The following PDZD2 variants were observed in gnomAD, a reference collection of about 807,000 sequenced individuals.
PDZD2 encodes PDZ domain containing 2.
PDZD2 carries 90 observed loss-of-function variants against 220.7 expected under a neutral mutation model. The observed-to-expected ratio is 0.41, with a 90% CI of 0.34 to 0.49. PDZD2 has a LOEUF of 0.49. Ranked by LOEUF, PDZD2 falls within the 20% of genes least tolerant of loss-of-function variation. The pLI is 0.28. For synonymous variants in PDZD2, 1,375 were observed against 1,450.5 expected (o/e 0.95, Z 1.18); for missense variants, 3,174 against 3,608.5 (o/e 0.88, Z 3.08).
intron 1 of PDZD2, among the ~76,000 whole-genome samples, chr5:31,775,215 A>G (rs564985636): frequency 1.3e-5 from 2 of 152,190 alleles, no homozygotes; most frequent in East Asian, 3.9e-4. Flanking sequence ...GGAATCTGGA[A>G]CCGATTGTAA....
At chr5:31,978,560 G>C (rs766568057) in intron 2 of PDZD2, among the ~76,000 whole-genome samples, 2 of 151,768 alleles carry the variant, frequency 1.3e-5, no homozygotes, top group African/African-American at 2.4e-5. Context: ...TCTACTAAAA[G>C]TACAATTAGC....
chr5:32,063,623 A>G (rs1739903911), intron 14 of PDZD2, among the ~76,000 whole-genome samples: 1 of 152,164 alleles, frequency 6.6e-6, no homozygotes, highest in African/African-American at 2.4e-5. Context: ...TCCTATATCA[A>G]ATTCATTACC....
chr5:31,758,926 T>C (rs1269540408), intron 1 of PDZD2, among the ~76,000 whole-genome samples: 1 of 152,082 alleles, frequency 6.6e-6, no homozygotes, highest in Non-Finnish European at 1.5e-5. Context: ...TCCACATGCG[T>C]TCCCTGGCTA....
chr5:31,903,922 C>T (rs181661190), intron 2 of PDZD2, among the ~76,000 whole-genome samples: 20 of 151,810 alleles, frequency 1.3e-4, no homozygotes, highest in African/African-American at 4.6e-4. Flanking sequence ...CGGGGTTTCA[C>T]GGTGTTGGTC....
Position 31,845,975 on chromosome 5 carries a change from A to G in PDZD2, c.476+46251A>G, listed in dbSNP as rs148941724. 4.9e-4 allele frequency among the ~76,000 whole-genome samples: 75 copies of G among 152,314 alleles called. No homozygotes were observed. In the East Asian group the frequency reaches 0.014, roughly 28 times the overall value. On this transcript the variant is annotated intron_variant, in intron 2 of 24. Coordinates refer to ENST00000438447, the MANE Select transcript of PDZD2 (RefSeq NM_178140.4). The stretch of plus-strand genomic sequence containing the variant: ...GCAAAGATGTTCCAGAGGCACCACA[A>G]TCCCCCTTCCTGTGTGCACTGGAAG...
chr5:32,091,176 G>C lies in PDZD2; in HGVS notation c.7727+1G>C, dbSNP rs1380543289. ...CTTTTAGAAGAAGCTGGTCAGTTAAGTAAGTATCTGCCCACTACTTTTATT... is the reference window on the plus strand; with the variant it reads ...CTTTTAGAAGAAGCTGGTCAGTTAACTAAGTATCTGCCCACTACTTTTATT... On this transcript the variant is annotated splice_donor_variant, in intron 20 of 24. Coordinates refer to ENST00000438447, the MANE Select transcript of PDZD2 (RefSeq NM_178140.4). LOFTEE classifies it high-confidence loss of function. 1 of 1,540,010 alleles carries C rather than the reference G, an allele frequency of 6.5e-7. No homozygotes were observed. Among genetic ancestry groups the C allele is most frequent in the Non-Finnish European group, 8.8e-7 (1 of 1,138,910 alleles).
intron 2 of PDZD2, among the ~76,000 whole-genome samples, chr5:31,821,442 G>A (rs146484206): frequency 0.11 from 16,069 of 151,494 alleles, 977 homozygotes; most frequent in Non-Finnish European, 0.14. Context: ...GTGCAATGGC[G>A]CGATCTTGGC....
intron 1 of PDZD2, among the ~76,000 whole-genome samples, chr5:31,711,320 A>T (rs1266628490): frequency 6.6e-6 from 1 of 152,166 alleles, no homozygotes; most frequent in Non-Finnish European, 1.5e-5. Context: ...CTGTGCCCCG[A>T]GCTACTGTGT....
intron 2 of PDZD2, among the ~76,000 whole-genome samples, chr5:31,914,766 A>G (rs769044895): frequency 1.3e-5 from 2 of 152,206 alleles, no homozygotes; most frequent in Non-Finnish European, 2.9e-5. Flanking sequence ...GTGGTGTTCT[A>G]TTGAAATTGA....
At chr5:31,899,021 G>T (rs1443297689) in intron 2 of PDZD2, among the ~76,000 whole-genome samples, 1 of 151,776 alleles carries the variant, frequency 6.6e-6, no homozygotes. Flanking sequence ...TATAGACGGG[G>T]TTTCACCATG....
At chr5:31,660,777 C>T (rs567970598) in intron 1 of PDZD2, among the ~76,000 whole-genome samples, 2 of 152,148 alleles carry the variant, frequency 1.3e-5, no homozygotes, top group Non-Finnish European at 2.9e-5. Flanking sequence ...GGCTGGAGTG[C>T]AATGGTGTGA....
rs866996273 is a variant in PDZD2 at position 32,083,414 on chromosome 5, G to A, written c.3683-3717G>A. 2.0e-5 allele frequency: 3 copies of A among 152,150 alleles called. No individual in the cohort carries two copies. Among genetic ancestry groups the A allele is most frequent in the Non-Finnish European group, 2.9e-5 (2 of 68,052 alleles). 9.4% of individuals were successfully genotyped at this position (152,150 alleles called of 1,614,324 possible). On this transcript the variant is annotated intron_variant, in intron 19 of 24. Coordinates refer to ENST00000438447, the MANE Select transcript of PDZD2 (RefSeq NM_178140.4). The surrounding 1 kb of genome is among the most constrained non-coding windows in gnomAD (Gnocchi z 4.1). ...AGGAAACCGCACTGCTATCCTGCAG[G>A]CTCTTCTACACCCGACATCACCTGG... is the stretch of plus-strand genomic sequence containing the variant.
intron 2 of PDZD2, among the ~76,000 whole-genome samples, chr5:31,937,192 G>T (rs1415269584): frequency 6.6e-6 from 1 of 152,198 alleles, no homozygotes; most frequent in Admixed American, 6.5e-5. Context: ...CCCAGGTTCT[G>T]AATCATTTCT....
At chr5:31,784,970 T>C (rs1236539918) in intron 1 of PDZD2, among the ~76,000 whole-genome samples, 1 of 151,704 alleles carries the variant, frequency 6.6e-6, no homozygotes, top group Non-Finnish European at 1.5e-5. Flanking sequence ...CTTGGCTAAG[T>C]AGACAATTTC....
At chr5:31,778,802 A>C (rs920122499) in intron 1 of PDZD2, among the ~76,000 whole-genome samples, 4 of 152,164 alleles carry the variant, frequency 2.6e-5, no homozygotes, top group Admixed American at 6.5e-5. Flanking sequence ...TTTTTAAATC[A>C]GTAAAGTAAT....
intron 2 of PDZD2, among the ~76,000 whole-genome samples, chr5:31,940,666 T>C (rs1746137874): frequency 1.3e-5 from 2 of 152,224 alleles, no homozygotes; most frequent in Non-Finnish European, 2.9e-5. Context: ...ACCATCTCTT[T>C]GCCTTTCTCA....
At chr5:31,920,390 GC>G (rs55722800) in intron 2 of PDZD2, among the ~76,000 whole-genome samples, 7,723 of 149,084 alleles carry the variant, frequency 0.052, 243 homozygotes, top group Non-Finnish European at 0.072. Flanking sequence ...CATGATCAAC[GC>G]CCCCCCCCCC....
chr5:31,817,599 T>C (rs1755548159), intron 2 of PDZD2, among the ~76,000 whole-genome samples: 1 of 152,254 alleles, frequency 6.6e-6, no homozygotes, highest in Admixed American at 6.5e-5. Flanking sequence ...TCTTGAAGTA[T>C]ATTTAACTAC....
chr5:31,883,110 T>G (rs1268449309), intron 2 of PDZD2, among the ~76,000 whole-genome samples: 1 of 150,814 alleles, frequency 6.6e-6, no homozygotes, highest in South Asian at 2.1e-4. Flanking sequence ...GAGCTTATAT[T>G]GTGATGGGGA....
Sources: allele counts gnomAD v4.1 joint callset (sites outside exome capture counted in the v4.1 genomes callset), GRCh38; gene constraint gnomAD v4.1.1; non-coding constraint Gnocchi (gnomAD v3.1); transcripts MANE v1.5; gene names NCBI Gene and HGNC (gene_info 2026-07-23, HGNC 2026-07-21).